DSC2: variants seen among roughly 807,000 people sequenced by gnomAD.
DSC2 encodes desmocollin 2, also known as desmocollin-2.
In DSC2, 51 loss-of-function variants were observed where a neutral mutation model predicts 87.6. The ratio of observed to expected loss-of-function variants is 0.58; its 90% CI spans 0.46 to 0.74. DSC2 has a LOEUF of 0.74. DSC2 is among the 30% of genes least tolerant of loss of function. The probability of loss-of-function intolerance (pLI) is 0.00; values close to 1 mark genes in which losing one functional copy is unlikely to be tolerated. For synonymous variants in DSC2, 383 were observed against 393.2 expected, an observed-to-expected ratio of 0.97 and a Z score of 0.31; for missense variants, 1,066 against 1,089.5, an observed-to-expected ratio of 0.98 and a Z score of 0.30.
In DSC2 at chr18:31,080,470, G is replaced by A. The variant is rs181243099; in HGVS notation, c.1264-118C>T. On this transcript the variant is annotated intron_variant, in intron 9 of 15. Transcript: ENST00000280904. ...TAAGTGTCATGTTGGGAATAACCAC[G>A]AGAATATGAAACATATATCCAGTGA... 115 of 1,217,180 alleles carry A rather than the reference G, an allele frequency of 9.4e-5. No homozygotes were observed. In the East Asian group the frequency reaches 1.6e-3, roughly 17 times the overall value. The allele number at this position is 1,217,180 out of a possible 1,614,324, so 75.4% of individuals were successfully genotyped here.
intron 4 of DSC2, 100 bp downstream of exon 4, chr18:31,090,928 A>G: frequency 1.3e-6 from 2 of 1,509,140 alleles, no homozygotes; most frequent in Non-Finnish European, 1.8e-6. Flanking sequence ...ATTCACTCAC[A>G]TATTTATACA....
rs1215180034 is a variant in DSC2 at position 31,066,933 on chromosome 18, GTGT to G, written c.*1079_*1081del. ...ATCCTTGCATTACAGAACTGTAAAT[GTGT>G]TGTCATACAGTAAATATCCACATCC... is the stretch of plus-strand genomic sequence containing the variant. On this transcript the variant is annotated 3_prime_UTR_variant, in exon 16 of 16. Coordinates refer to ENST00000280904, the MANE Select transcript of DSC2 (RefSeq NM_024422.6). 6.6e-6 allele frequency: 1 copy of G among 152,024 alleles called. No individual in the cohort carries two copies. The highest frequency in any genetic ancestry group is 1.5e-5 in the Non-Finnish European group (1 of 67,958). The allele number at this position is 152,024 out of a possible 1,614,324, so 9.4% of individuals were successfully genotyped here. A position where few individuals can be genotyped will look rare whatever the true frequency, so the allele number is the denominator to read the frequency against.
Position 31,067,790 on chromosome 18 carries a change from T to A in DSC2, c.*225A>T, listed in dbSNP as rs1235622870. 2 of 518,252 alleles carry A rather than the reference T, an allele frequency of 3.9e-6. No individual in the cohort carries two copies. The highest frequency in any genetic ancestry group is 3.8e-5 in the African/African-American group (2 of 52,142). The allele number at this position is 518,252 out of a possible 1,614,324, so 32.1% of individuals were successfully genotyped here. The stretch of plus-strand genomic sequence containing the variant: ...GCAGACTTTAATTTCTCTGTAGACC[T>A]CCTTGGATAGAAGATAAGTAATTTA... On this transcript the variant is annotated 3_prime_UTR_variant, in exon 16 of 16. Coordinates refer to ENST00000280904, the MANE Select transcript of DSC2 (RefSeq NM_024422.6).
chr18:31,089,357 A>G, intron 5 of DSC2, 82 bp downstream of exon 5: 1 of 1,540,688 alleles, frequency 6.5e-7, no homozygotes, highest in Non-Finnish European at 9.0e-7. Flanking sequence ...AGAAAGCAGA[A>G]AAGGTTACGT....
chr18:31,076,979 T>C (rs918420327), intron 11 of DSC2, among the ~76,000 whole-genome samples: 2 of 152,024 alleles, frequency 1.3e-5, no homozygotes, highest in Non-Finnish European at 2.9e-5. Context: ...TTAAACCAAG[T>C]CAAAGTGTCA....
In DSC2 at chr18:31,066,205, T is replaced by C. The variant is rs1986613930; in HGVS notation, c.*1810A>G. On this transcript the variant is annotated 3_prime_UTR_variant, in exon 16 of 16. Coordinates refer to ENST00000280904, the MANE Select transcript of DSC2 (RefSeq NM_024422.6). The stretch of plus-strand genomic sequence containing the variant: ...TTAGAATAGTCATATTATATAAATA[T>C]GGCAATAACAATGCACTGAAAATGT... 1 of 152,148 alleles carries C rather than the reference T, an allele frequency of 6.6e-6. No homozygotes were observed. The highest frequency in any genetic ancestry group is 2.1e-4 in the South Asian group (1 of 4,836). The allele number at this position is 152,148 out of a possible 1,614,324, so 9.4% of individuals were successfully genotyped here. A position where few individuals can be genotyped will look rare whatever the true frequency, so the allele number is the denominator to read the frequency against.
At chr18:31,076,650 T>G (rs8087535) in intron 11 of DSC2, among the ~76,000 whole-genome samples, 1 of 152,078 alleles carries the variant, frequency 6.6e-6, no homozygotes, top group South Asian at 2.1e-4. Flanking sequence ...AAAAAGAGAA[T>G]AGACAGAATG....
At position 31,060,816 on chromosome 18, in the gene DSC2, C is replaced by T. The variant is rs906074810; in HGVS notation, c.*7199G>A. 6 of 152,170 alleles carry T rather than the reference C, an allele frequency of 3.9e-5. No homozygotes were observed. Among genetic ancestry groups the T allele is most frequent in the Non-Finnish European group, 8.8e-5 (6 of 68,044 alleles). 9.4% of individuals were successfully genotyped at this position (152,170 alleles called of 1,614,324 possible). On this transcript the variant is annotated 3_prime_UTR_variant, in exon 16 of 16. Transcript: ENST00000280904. Reference sequence around the variant, plus strand: ...ACATGCATGTAGAAAGTAGAAACCACAGGGAACAATGTACATTCTGAAATG... The same window carrying T: ...ACATGCATGTAGAAAGTAGAAACCATAGGGAACAATGTACATTCTGAAATG...
chr18:31,070,940 C>G (rs1322683377), intron 13 of DSC2, 90 bp from the exon 14 acceptor site: 9 of 1,468,064 alleles, frequency 6.1e-6, no homozygotes, highest in Non-Finnish European at 8.5e-6. Flanking sequence ...AAATCATAAA[C>G]TTAAAAGTGT....
chr18:31,087,842 G>C lies in DSC2; in HGVS notation c.631-29C>G, dbSNP rs775421274. ...TGAAGAGAGTAAAATAAGGAGAAAA[G>C]TGAAAATAATCTTTTAAAATGAGGT... On this transcript the variant is annotated intron_variant, in intron 5 of 15. Coordinates refer to ENST00000280904, the MANE Select transcript of DSC2 (RefSeq NM_024422.6). 9 of 1,611,404 alleles carry C rather than the reference G, an allele frequency of 5.6e-6. No individual in the cohort carries two copies. In the South Asian group the frequency reaches 9.9e-5, roughly 18 times the overall value.
chr18:31,079,820 G>A (rs1987143688), intron 11 of DSC2, 27 bp downstream of exon 11: 2 of 1,613,606 alleles, frequency 1.2e-6, no homozygotes, highest in Non-Finnish European at 1.7e-6. Flanking sequence ...AAGGAAGTAT[G>A]TAGCTGGCTT....
rs1987673824 is a variant in DSC2, at chr18:31,093,625, C to T, written c.88G>A (p.Asp30Asn). The change falls in exon 2 of 16, where the codon GAT (aspartate) becomes AAT (asparagine). Residue 30 changes from aspartate (D) to asparagine (N), a missense_variant. Physicochemically the swap from Asp to Asn is conservative, Grantham distance 23 (BLOSUM62 1). Transcript: ENST00000280904. ...TGTAATGTCACATTTTTGCAGGCAT[C>T]ACTGGCAAATATTAAGATCTAAAAA... is the stretch of plus-strand genomic sequence containing the variant. ...LTLAILIFAS[D>N]ACKNVTLHVP... 1 of 1,593,956 alleles carries T rather than the reference C, an allele frequency of 6.3e-7. No homozygotes were observed. Among genetic ancestry groups the T allele is most frequent in the Non-Finnish European group, 8.6e-7 (1 of 1,167,258 alleles).
chr18:31,083,644 T>C (rs1275928331), intron 7 of DSC2, among the ~76,000 whole-genome samples: 1 of 152,188 alleles, frequency 6.6e-6, no homozygotes, highest in African/African-American at 2.4e-5. Context: ...TAAGGGTTTA[T>C]GTTACATTTA....
intron 9 of DSC2, among the ~76,000 whole-genome samples, chr18:31,081,248 A>C (rs1420307930): frequency 6.6e-6 from 1 of 152,208 alleles, no homozygotes; most frequent in Admixed American, 6.5e-5. Flanking sequence ...TATGGGCATC[A>C]TATTTTCTTT....
chr18:31,082,354 A>G lies in DSC2; in HGVS notation c.1147T>C (p.Leu383=). The G allele has an allele frequency of 6.2e-7, 1 of 1,613,960 alleles. No individual in the cohort carries two copies. The highest frequency in any genetic ancestry group is 8.5e-7 in the Non-Finnish European group (1 of 1,179,968). The part of the protein sequence containing the change: ...ILRVTVEDKD[L]VNTANWRANY... ...GCTCTCCAGTTAGCAGTATTCACTA[A>G]GTCCTTATCCTCAACAGTAACTCGT... The change falls in exon 9 of 16, where the codon TTA becomes CTA. Residue 383 remains leucine, a synonymous_variant. Transcript: ENST00000280904.
Position 31,062,276 on chromosome 18 carries a change from C to T in DSC2, c.*5739G>A, listed in dbSNP as rs1986515984. ...AGATATTTTTTGAAGCAAGGCCTGA[C>T]TTACAACATTTTATAAATAACTAAT... is the stretch of plus-strand genomic sequence containing the variant. On this transcript the variant is annotated 3_prime_UTR_variant, in exon 16 of 16. Coordinates refer to ENST00000280904, the MANE Select transcript of DSC2 (RefSeq NM_024422.6). The T allele has an allele frequency of 6.6e-6, 1 of 152,150 alleles. No individual in the cohort carries two copies. The highest frequency in any genetic ancestry group is 2.4e-5 in the African/African-American group (1 of 41,440). 9.4% of individuals were successfully genotyped at this position (152,150 alleles called of 1,614,324 possible). A position where few individuals can be genotyped will look rare whatever the true frequency, so the allele number is the denominator to read the frequency against.
chr18:31,068,020 T>C lies in DSC2; in HGVS notation c.2701A>G (p.Arg901Gly). Residue 901 changes from arginine to glycine, a missense_variant, in exon 16 of 16, where the codon AGA becomes GGA. Physicochemically the swap from Arg to Gly is moderately radical, Grantham distance 125. Coordinates refer to ENST00000280904, the MANE Select transcript of DSC2 (RefSeq NM_024422.6). The part of the protein sequence containing the change: ...FRTLAEACMK[R>G] ...AGAGACTTATTAGAACACACTCATC[T>C]CTTCATGCATGCTTCTGCTAGTGTC... 6.2e-7 allele frequency: 1 copy of C among 1,613,906 alleles called. No individual in the cohort carries two copies. Among genetic ancestry groups the C allele is most frequent in the Non-Finnish European group, 8.5e-7 (1 of 1,179,870 alleles).
intron 7 of DSC2, among the ~76,000 whole-genome samples, chr18:31,084,202 A>G (rs1987322736): frequency 6.6e-6 from 1 of 152,114 alleles, no homozygotes; most frequent in Admixed American, 6.6e-5. Context: ...GTTTCTCTTG[A>G]TCTTCCTGCT....
Position 31,079,102 on chromosome 18 carries a change from A to G in DSC2, c.1663+745T>C, listed in dbSNP as rs1313329162. 2.0e-5 allele frequency among the ~76,000 whole-genome samples: 3 copies of G among 152,292 alleles called. No homozygotes were observed. The East Asian group carries it at 5.8e-4, about 29-fold the overall frequency. ...AGTATATTGTTAGCTTCCTGTAAAA[A>G]GTTAGAGCTGTTTTCCAGGACTGCA... On this transcript the variant is annotated intron_variant, in intron 11 of 15. Coordinates refer to ENST00000280904, the MANE Select transcript of DSC2 (RefSeq NM_024422.6).
Sources: gnomAD v4.1 joint callset for allele counts (sites outside exome capture counted in the v4.1 genomes callset) on GRCh38, gnomAD v4.1.1 for gene constraint, MANE v1.5 for transcripts, NCBI Gene and HGNC (gene_info 2026-07-23, HGNC 2026-07-21) for gene names.